Variants in ITIH5 observed in about 807,000 individuals in gnomAD.
ITIH5 encodes inter-alpha-trypsin inhibitor heavy chain H5.
In ITIH5, 65 loss-of-function variants were observed where a neutral mutation model predicts 77.5. That is an observed-to-expected ratio of 0.84 (90% CI 0.69 to 1.03). The LOEUF (loss-of-function observed/expected upper bound fraction) is 1.03, where lower values mean the gene tolerates loss of function less well. Among genes scored for constraint, ITIH5 ranks in the 50% least tolerant of loss-of-function variants. The pLI, the probability that ITIH5 is intolerant of heterozygous loss-of-function variation, is 0.00. For synonymous variants in ITIH5, 525 were observed against 494.3 expected (o/e 1.06, Z -0.82); for missense variants, 1,208 against 1,213.1 (o/e 1.00, Z 0.06).
chr10:7,614,346 A>G (rs1191246268), intron 7 of ITIH5, among the ~76,000 whole-genome samples: 1 of 152,222 alleles, frequency 6.6e-6, no homozygotes, highest in Non-Finnish European at 1.5e-5. Context: ...TTAGTTCGAC[A>G]TTATATTTGG....
chr10:7,613,902 C>G (rs1055174417), intron 7 of ITIH5, among the ~76,000 whole-genome samples: 1 of 152,198 alleles, frequency 6.6e-6, no homozygotes, highest in Admixed American at 6.5e-5. Flanking sequence ...CCAAACACCT[C>G]CATCCCTGAA....
intron 5 of ITIH5, among the ~76,000 whole-genome samples, chr10:7,628,681 T>C (rs112536990): frequency 2.7e-5 from 4 of 150,292 alleles, no homozygotes; most frequent in South Asian, 2.1e-4. Context: ...GTCCATGTTG[T>C]AGCGTGTGTC....
chr10:7,580,002 T>C lies in ITIH5; in HGVS notation c.1171A>G (p.Ser391Gly), dbSNP rs777337983. ...IRLLNKYVAH[S>G]GIGDRSVSLI... ...GACACGCTCCGGTCTCCAATGCCAC[T>C]GTGGGCCACGTACTTGTTGAGGAGC... Residue 391 changes from serine to glycine, a missense_variant, in exon 9 of 14, where the codon AGT becomes GGT. Physicochemically the swap from Ser to Gly is moderately conservative, Grantham distance 56 (BLOSUM62 0). Coordinates refer to ENST00000397146, the MANE Select transcript of ITIH5 (RefSeq NM_030569.7). 18 of 1,613,958 alleles carry C rather than the reference T, an allele frequency of 1.1e-5. No homozygotes were observed. The highest frequency in any genetic ancestry group is 1.5e-5 in the Non-Finnish European group (18 of 1,179,978).
chr10:7,579,883 T>G lies in ITIH5; in HGVS notation c.1290A>C (p.Gln430His), dbSNP rs187562170. ...LNNTREAARG[Q>H]VCIFTIGIGN... ...CGATGCCAATGGTGAAGATGCAGAC[T>G]TGGCCTCGGGCGGCCTCTCGGGTGT... Residue 430 changes from glutamine (Q) to histidine (H), a missense_variant, in exon 9 of 14, where the codon CAA becomes CAC. By Grantham distance (24) the Gln-to-His change is conservative. Coordinates refer to ENST00000397146, the MANE Select transcript of ITIH5 (RefSeq NM_030569.7). 1.2e-6 allele frequency: 2 copies of G among 1,614,252 alleles called. No individual in the cohort carries two copies. The highest frequency in any genetic ancestry group is 2.7e-5 in the African/African-American group (2 of 75,080).
chr10:7,598,688 A>G (rs933377681), intron 7 of ITIH5, among the ~76,000 whole-genome samples: 1 of 152,172 alleles, frequency 6.6e-6, no homozygotes, highest in African/African-American at 2.4e-5. Flanking sequence ...TGTTTACCCC[A>G]TCTATGTAAA....
Position 7,624,797 on chromosome 10 carries a change from A to AT in ITIH5, c.653-7516_653-7515insA, listed in dbSNP as rs1256831264. ...TGAGACTCTGCCTAAAAAAAAAAAA[A>AT]AATATATATATATATACACATATAT... On this transcript the variant is annotated intron_variant, in intron 5 of 13. Transcript: ENST00000397146. Among the ~76,000 whole-genome samples, 18 of 13,258 alleles carry AT rather than the reference A, an allele frequency of 1.4e-3. 1 individual carries two copies. The highest frequency in any genetic ancestry group is 4.1e-3 in the African/African-American group (18 of 4,412). The allele number at this position is 13,258 out of a possible 152,430, so 8.7% of individuals were successfully genotyped here.
intron 10 of ITIH5, 136 bp downstream of exon 10, chr10:7,576,317 C>A (rs941320466): frequency 2.4e-6 from 2 of 819,116 alleles, no homozygotes; most frequent in Non-Finnish European, 3.7e-6. Flanking sequence ...AGCTACTATA[C>A]CCGGTCTGGG....
intron 6 of ITIH5, among the ~76,000 whole-genome samples, chr10:7,616,456 A>T (rs910798221): frequency 6.6e-6 from 1 of 152,152 alleles, no homozygotes; most frequent in African/African-American, 2.4e-5. Flanking sequence ...TTCTGGATGC[A>T]ATTAATAGGT....
chr10:7,566,329 G>T lies in ITIH5; in HGVS notation c.2228C>A (p.Thr743Asn). ...GHKKQRTYLR[T>N]ITILINKPER... is the part of the protein sequence containing the mutation. ...TGGCTTGTTGATGAGGATGGTGATA[G>T]TGCGCAAGTAAGTGCGCTGTTTCTT... is the stretch of plus-strand genomic sequence containing the variant. The change falls in exon 13 of 14, where the codon ACT becomes AAT. Residue 743 changes from threonine (T) to asparagine (N), a missense_variant. Physicochemically the swap from Thr to Asn is moderately conservative, Grantham distance 65. Coordinates refer to ENST00000397146, the MANE Select transcript of ITIH5 (RefSeq NM_030569.7). The T allele has an allele frequency of 6.2e-7, 1 of 1,613,740 alleles. No homozygotes were observed. Among genetic ancestry groups the T allele is most frequent in the Non-Finnish European group, 8.5e-7 (1 of 1,179,718 alleles).
At position 7,576,887 on chromosome 10, in the gene ITIH5, G is replaced by T. The variant is rs762594070; in HGVS notation, c.1544C>A (p.Ala515Glu). 1.2e-6 allele frequency: 2 copies of T among 1,613,970 alleles called. No homozygotes were observed. The highest frequency in any genetic ancestry group is 1.7e-6 in the Non-Finnish European group (2 of 1,180,012). The change falls in exon 10 of 14, where the codon GCG (alanine) becomes GAG (glutamate). Residue 515 changes from alanine to glutamate, a missense_variant. Physicochemically the swap from Ala to Glu is moderately radical, Grantham distance 107. Coordinates refer to ENST00000397146, the MANE Select transcript of ITIH5 (RefSeq NM_030569.7). Reference protein sequence around the residue: ...NYFNGSEIIIAGKLVDRKLDH... With the variant: ...NYFNGSEIIIEGKLVDRKLDH... ...CAGCTTCCTGTCCACCAGCTTCCCC[G>T]CAATGATGATCTCCGAGCCGTTGAA...
chr10:7,594,624 A>G (rs1832859101), intron 7 of ITIH5, among the ~76,000 whole-genome samples: 1 of 152,148 alleles, frequency 6.6e-6, no homozygotes, highest in Non-Finnish European at 1.5e-5. Flanking sequence ...GAGGGGATTA[A>G]GTGTCTGATT....
At chr10:7,631,440 C>G (rs534452130) in intron 5 of ITIH5, among the ~76,000 whole-genome samples, 1 of 152,184 alleles carries the variant, frequency 6.6e-6, no homozygotes, top group African/African-American at 2.4e-5. Flanking sequence ...CAGAGAGGGA[C>G]TCAAGTACCT....
In ITIH5 at chr10:7,576,955, G is replaced by A; in HGVS notation, c.1476C>T (p.Pro492=). 1 of 1,614,036 alleles carries A rather than the reference G, an allele frequency of 6.2e-7. No homozygotes were observed. Among genetic ancestry groups the A allele is most frequent in the Non-Finnish European group, 8.5e-7 (1 of 1,179,950 alleles). Residue 492 remains proline (P), a synonymous_variant, in exon 10 of 14, where the codon CCC becomes CCT. Coordinates refer to ENST00000397146, the MANE Select transcript of ITIH5 (RefSeq NM_030569.7). ...LLSDIRIDYP[P]SSVVQATKTL... is the part of the protein sequence containing the mutation. ...TCTTGGTGGCCTGCACCACTGAGCT[G>A]GGGGGATAATCGATGCGGATGTCAG...
intron 2 of ITIH5, among the ~76,000 whole-genome samples, chr10:7,650,566 C>T (rs745948523): frequency 1.3e-5 from 2 of 151,980 alleles, no homozygotes; most frequent in African/African-American, 4.8e-5. Flanking sequence ...GAAACCCCGT[C>T]TCTATTAAAA....
intron 7 of ITIH5, among the ~76,000 whole-genome samples, chr10:7,608,837 A>C (rs115667055): frequency 0.015 from 2,297 of 152,338 alleles, 59 homozygotes; most frequent in African/African-American, 0.053. Context: ...TTGCTCAATA[A>C]TTCTACGAAT....
chr10:7,616,999 A>G (rs376246904), intron 6 of ITIH5, 114 bp downstream of exon 6: 22 of 667,974 alleles, frequency 3.3e-5, no homozygotes, highest in Non-Finnish European at 4.6e-5. Context: ...ATTAAAACAA[A>G]TTTACTAAGA....
At position 7,633,633 on chromosome 10, in the gene ITIH5, TAAGG is replaced by T. The variant is rs199763274; in HGVS notation, c.652+3591_652+3594del. On this transcript the variant is annotated intron_variant, in intron 5 of 13. Coordinates refer to ENST00000397146, the MANE Select transcript of ITIH5 (RefSeq NM_030569.7). ...ATTACTGAACCTCTGTTTTAGTAAG[TAAGG>T]TTTCTCAGCTTCTTCATAATTAAAA... 6.7e-3 allele frequency among the ~76,000 whole-genome samples: 1,012 copies of T among 152,060 alleles called. 5 individuals are homozygous for T. The highest frequency in any genetic ancestry group is 0.01 in the Non-Finnish European group (709 of 67,972).
chr10:7,651,371 G>A (rs147007040), intron 2 of ITIH5, among the ~76,000 whole-genome samples: 1,530 of 152,180 alleles, frequency 0.01, 21 homozygotes, highest in African/African-American at 0.035. Flanking sequence ...ATCACCTGAG[G>A]TCAGGAGTTT....
chr10:7,616,194 C>T, intron 6 of ITIH5, 96 bp from the exon 7 acceptor site: 1 of 740,104 alleles, frequency 1.4e-6, no homozygotes, highest in Non-Finnish European at 2.4e-6. Flanking sequence ...AAAGTTAAAG[C>T]ATGACAAAGA....
Sources: allele counts gnomAD v4.1 joint callset (sites outside exome capture counted in the v4.1 genomes callset), GRCh38; gene constraint gnomAD v4.1.1; transcripts MANE v1.5; gene names NCBI Gene and HGNC (gene_info 2026-07-23, HGNC 2026-07-21).